The following SPOCK1 variants were observed in gnomAD, a reference collection of about 807,000 sequenced individuals.
SPOCK1 encodes the protein testican-1.
Under a neutral mutation model 55.3 loss-of-function variants are expected in SPOCK1, and 23 were observed. The observed-to-expected ratio is 0.42, with a 90% CI of 0.30 to 0.59. SPOCK1 has a LOEUF of 0.59. SPOCK1 is among the 20% of genes least tolerant of loss of function. The pLI is 0.22. For synonymous variants in SPOCK1, 226 were observed against 221.0 expected, an observed-to-expected ratio of 1.02 and a Z score of -0.20; for missense variants, 499 against 552.5, an observed-to-expected ratio of 0.90 and a Z score of 0.97.
chr5:137,120,212 A>T (rs1226555986), intron 4 of SPOCK1, among the ~76,000 whole-genome samples: 1 of 152,166 alleles, frequency 6.6e-6, no homozygotes, highest in Non-Finnish European at 1.5e-5. Context: ...TCATATCAGG[A>T]GAGACAAGCA....
chr5:137,249,900 T>C (rs2127105398), intron 3 of SPOCK1, among the ~76,000 whole-genome samples: 1 of 152,310 alleles, frequency 6.6e-6, no homozygotes, highest in East Asian at 1.9e-4. Context: ...GCTACTCTTC[T>C]TATTATGTGC....
chr5:137,445,149 C>T (rs769100714), intron 2 of SPOCK1, among the ~76,000 whole-genome samples: 3 of 152,182 alleles, frequency 2.0e-5, no homozygotes, highest in African/African-American at 7.2e-5. Context: ...CTAGACATTG[C>T]GTTTTCTCCT....
chr5:137,006,066 G>A (rs1580703812), intron 6 of SPOCK1, among the ~76,000 whole-genome samples: 2 of 152,138 alleles, frequency 1.3e-5, no homozygotes, highest in East Asian at 1.9e-4. Flanking sequence ...TGGTCTACAT[G>A]TCTGTTCTGG....
intron 2 of SPOCK1, among the ~76,000 whole-genome samples, chr5:137,490,369 A>C (rs1172257048): frequency 6.6e-6 from 1 of 152,208 alleles, no homozygotes; most frequent in African/African-American, 2.4e-5. Context: ...GCCAAGAAGC[A>C]GGTGCTAGCC....
At chr5:137,177,023 A>G (rs1052948593) in intron 3 of SPOCK1, among the ~76,000 whole-genome samples, 5 of 152,156 alleles carry the variant, frequency 3.3e-5, no homozygotes. Flanking sequence ...GAAAAATTTC[A>G]GTAGCACCCA....
At chr5:137,057,735 C>T (rs1024974237) in intron 6 of SPOCK1, among the ~76,000 whole-genome samples, 10 of 152,170 alleles carry the variant, frequency 6.6e-5, no homozygotes, top group Non-Finnish European at 7.3e-5. Flanking sequence ...AAGCAGTCTG[C>T]TTTGTGGGGT....
At chr5:137,245,162 A>T (rs1756371001) in intron 3 of SPOCK1, among the ~76,000 whole-genome samples, 1 of 152,242 alleles carries the variant, frequency 6.6e-6, no homozygotes, top group Non-Finnish European at 1.5e-5. Flanking sequence ...TAAAAGGAGA[A>T]AATAAATATT....
chr5:137,020,271 T>C (rs903921937), intron 6 of SPOCK1, among the ~76,000 whole-genome samples: 1 of 151,570 alleles, frequency 6.6e-6, no homozygotes, highest in Non-Finnish European at 1.5e-5. Context: ...TATAAAAGGA[T>C]AAAATTTTAA....
chr5:137,333,855 CTGTT>C (rs1256448873), intron 2 of SPOCK1, among the ~76,000 whole-genome samples: 1 of 152,140 alleles, frequency 6.6e-6, no homozygotes, highest in Non-Finnish European at 1.5e-5. Context: ...ACAGATGTGT[CTGTT>C]TGTTGGGAGA....
At chr5:137,037,862 G>C (rs904435547) in intron 6 of SPOCK1, among the ~76,000 whole-genome samples, 1 of 152,208 alleles carries the variant, frequency 6.6e-6, no homozygotes, top group Non-Finnish European at 1.5e-5. Context: ...TCATTCACGT[G>C]GGTGGAATGC....
At chr5:137,049,083 T>G (rs1425167534) in intron 6 of SPOCK1, among the ~76,000 whole-genome samples, 4 of 137,114 alleles carry the variant, frequency 2.9e-5, no homozygotes, top group African/African-American at 1.1e-4. Context: ...ATTTTTTCCT[T>G]CGTTTCAACT....
At chr5:137,410,946 G>A (rs1423874624) in intron 2 of SPOCK1, among the ~76,000 whole-genome samples, 1 of 152,188 alleles carries the variant, frequency 6.6e-6, no homozygotes, top group Admixed American at 6.5e-5. Context: ...TCAAGTTTGG[G>A]GACCTCAGGA....
intron 6 of SPOCK1, among the ~76,000 whole-genome samples, chr5:136,995,776 C>G (rs950257921): frequency 8.5e-5 from 13 of 152,174 alleles, no homozygotes; most frequent in African/African-American, 2.7e-4. Flanking sequence ...CCAAAGTACA[C>G]AAGTCTTGGA....
At chr5:137,066,987 C>CAGAGAGAGAGAG (rs753181225) in intron 6 of SPOCK1, among the ~76,000 whole-genome samples, 13 of 139,650 alleles carry the variant, frequency 9.3e-5, no homozygotes, top group East Asian at 4.1e-4. Context: ...CACACACACA[C>CAGAGAGAGAGAG]AGAGAGAGAG....
At chr5:137,299,529 G>A (rs1219956538) in intron 2 of SPOCK1, among the ~76,000 whole-genome samples, 1 of 151,710 alleles carries the variant, frequency 6.6e-6, no homozygotes, top group African/African-American at 2.4e-5. Flanking sequence ...TTGCCATCTG[G>A]TACAACTGTC....
chr5:137,388,784 C>T (rs1229701784), intron 2 of SPOCK1, among the ~76,000 whole-genome samples: 1 of 152,204 alleles, frequency 6.6e-6, no homozygotes, highest in Non-Finnish European at 1.5e-5. Context: ...AACTGCTCAG[C>T]AACCTCTTCA....
chr5:137,476,038 T>G lies in SPOCK1; in HGVS notation c.186+22335A>C, dbSNP rs946276052. ...TGGGGAGGGGGCAAATTATAGGTTTTTTTTTTTTTAACTTTTAAGTTCAAG... is the reference window on the plus strand; with the variant it reads ...TGGGGAGGGGGCAAATTATAGGTTTGTTTTTTTTTAACTTTTAAGTTCAAG... On this transcript the variant is annotated intron_variant, in intron 2 of 10. Transcript: ENST00000394945. 4.6e-5 allele frequency among the ~76,000 whole-genome samples: 7 copies of G among 151,860 alleles called. No individual in the cohort carries two copies. In the South Asian group the frequency reaches 1.0e-3, roughly 22 times the overall value.
chr5:137,202,184 G>A (rs1755438447), intron 3 of SPOCK1, among the ~76,000 whole-genome samples: 2 of 152,206 alleles, frequency 1.3e-5, no homozygotes, highest in African/African-American at 4.8e-5. Flanking sequence ...GACTCATGTA[G>A]CTGTAGCAAA....
intron 3 of SPOCK1, among the ~76,000 whole-genome samples, chr5:137,263,741 A>T (rs1033089624): frequency 6.6e-6 from 1 of 152,192 alleles, no homozygotes; most frequent in Non-Finnish European, 1.5e-5. Context: ...AGACAAAAGG[A>T]TATACTACTT....
Sources: allele counts gnomAD v4.1 joint callset (sites outside exome capture counted in the v4.1 genomes callset), GRCh38; gene constraint gnomAD v4.1.1; transcripts MANE v1.5; gene names NCBI Gene and HGNC (gene_info 2026-07-23, HGNC 2026-07-21).